RFC3: variants seen among roughly 807,000 people sequenced by gnomAD.
RFC3 encodes the protein replication factor C subunit 3.
RFC3 carries 41 observed loss-of-function variants against 45.1 expected under a neutral mutation model. That is an observed-to-expected ratio of 0.91 (90% CI 0.71 to 1.18). The LOEUF (loss-of-function observed/expected upper bound fraction) is 1.18, where lower values mean the gene tolerates loss of function less well. Ranked by LOEUF, RFC3 falls within the 50% of genes most tolerant of loss-of-function variation. The pLI, the probability that RFC3 is intolerant of heterozygous loss-of-function variation, is 0.00. For synonymous variants in RFC3, 149 were observed against 144.0 expected (o/e 1.03, Z -0.25); for missense variants, 423 against 428.1 (o/e 0.99, Z 0.10).
chr13:33,925,678 T>A (rs1165986202), intron 8 of RFC3, among the ~76,000 whole-genome samples: 3 of 144,894 alleles, frequency 2.1e-5, no homozygotes, highest in African/African-American at 8.1e-5. Flanking sequence ...TAAGTTAGTG[T>A]GTATGTATAT....
chr13:33,879,829 C>T (rs1199799559), intron 8 of RFC3, among the ~76,000 whole-genome samples: 1 of 152,134 alleles, frequency 6.6e-6, no homozygotes, highest in Non-Finnish European at 1.5e-5. Context: ...GGGTTCTGTT[C>T]CTTTTTGGAG....
At chr13:33,863,073 G>C (rs2082351593) in intron 8 of RFC3, among the ~76,000 whole-genome samples, 2 of 152,162 alleles carry the variant, frequency 1.3e-5, no homozygotes, top group Non-Finnish European at 2.9e-5. Flanking sequence ...CTGTTTTGCT[G>C]GTTAGTTGGT....
intron 8 of RFC3, among the ~76,000 whole-genome samples, chr13:33,956,068 A>G (rs943735105): frequency 6.6e-6 from 1 of 152,184 alleles, no homozygotes; most frequent in Non-Finnish European, 1.5e-5. Context: ...TCTTTAATCT[A>G]TTTGTTTGCA....
At chr13:33,867,036 G>A (rs923537673) in intron 8 of RFC3, among the ~76,000 whole-genome samples, 3 of 152,192 alleles carry the variant, frequency 2.0e-5, no homozygotes, top group Non-Finnish European at 2.9e-5. Flanking sequence ...ATCTACGAAG[G>A]AAGGACTGTT....
At chr13:33,956,912 G>GACC (rs2083025620) in intron 8 of RFC3, among the ~76,000 whole-genome samples, 1 of 151,976 alleles carries the variant, frequency 6.6e-6, no homozygotes. Flanking sequence ...ATATGTTTAG[G>GACC]TCTATGCAGA....
At chr13:33,872,527 AG>A (rs1394477248) in intron 8 of RFC3, among the ~76,000 whole-genome samples, 1 of 152,212 alleles carries the variant, frequency 6.6e-6, no homozygotes, top group Non-Finnish European at 1.5e-5. Context: ...TGAGGTCGGG[AG>A]TTCGAGACCA....
At chr13:33,876,228 A>G (rs561631053) in intron 8 of RFC3, among the ~76,000 whole-genome samples, 3 of 152,176 alleles carry the variant, frequency 2.0e-5, no homozygotes, top group Non-Finnish European at 4.4e-5. Flanking sequence ...AGTTTAAACA[A>G]TTAGCTCCCA....
In RFC3 at chr13:33,870,000, A is replaced by T. The variant is rs563317127; in HGVS notation, c.879+34783A>T. Among the ~76,000 whole-genome samples the T allele has an allele frequency of 5.3e-4, 81 of 152,308 alleles. 1 individual carries two copies. The highest frequency in any genetic ancestry group is 9.3e-4 in the Non-Finnish European group (63 of 68,018). On this transcript the variant is annotated intron_variant, in intron 8 of 8. Coordinates refer to the RFC3 transcript ENST00000434425. Reference sequence around the variant, plus strand: ...CCTTGTTTGGTGGTTCCACAAAGGGAACGAGCAATCCTTGATCAAATGGAC... The same window carrying T: ...CCTTGTTTGGTGGTTCCACAAAGGGTACGAGCAATCCTTGATCAAATGGAC...
At chr13:33,935,587 G>A (rs1419393221) in intron 8 of RFC3, among the ~76,000 whole-genome samples, 2 of 152,086 alleles carry the variant, frequency 1.3e-5, no homozygotes, top group Non-Finnish European at 2.9e-5. Context: ...ACTTTCCATT[G>A]ATCCTAATTT....
chr13:33,924,399 GTGTT>G (rs1364019917), intron 8 of RFC3, among the ~76,000 whole-genome samples: 1 of 151,832 alleles, frequency 6.6e-6, no homozygotes. Context: ...CCTGCTGACT[GTGTT>G]TGTAAATTGA....
Position 33,921,664 on chromosome 13 carries a change from T to G in RFC3, c.880-44423T>G, listed in dbSNP as rs552152338. Among the ~76,000 whole-genome samples, 51 of 152,102 alleles carry G rather than the reference T, an allele frequency of 3.4e-4. No homozygotes were observed. In the Middle Eastern group the frequency reaches 0.024, roughly 71 times the overall value. ...GATGGTGCAGCCTTTCACGATGACT[T>G]TGCAGCAACACAGCACCCTCCCAGT... On this transcript the variant is annotated intron_variant, in intron 8 of 8. Transcript: ENST00000434425.
At chr13:33,843,376 A>G (rs1217884947) in intron 8 of RFC3, among the ~76,000 whole-genome samples, 1 of 152,212 alleles carries the variant, frequency 6.6e-6, no homozygotes, top group Non-Finnish European at 1.5e-5. Context: ...ATTGCAGCCT[A>G]ATGCCAATTT....
downstream of RFC3, among the ~76,000 whole-genome samples, chr13:33,969,863 A>G (rs138526274): frequency 2.8e-4 from 42 of 151,436 alleles, no homozygotes; most frequent in African/African-American, 9.7e-4. Context: ...CAGTCTTTTT[A>G]TGTAAGCTAT....
At chr13:33,854,416 T>C (rs2082296245) in intron 8 of RFC3, among the ~76,000 whole-genome samples, 1 of 152,200 alleles carries the variant, frequency 6.6e-6, no homozygotes, top group Admixed American at 6.5e-5. Context: ...TCAAGTAGCC[T>C]TGAAAGGGGT....
Position 33,837,447 on chromosome 13 carries a change from CT to C in RFC3, c.*1155del, listed in dbSNP as rs1005951280. On this transcript the variant is annotated 3_prime_UTR_variant, in exon 9 of 9. Coordinates refer to ENST00000380071, the MANE Select transcript of RFC3 (RefSeq NM_002915.4). ...AAAGCCTATTCACTTGCTGATGGAT[CT>C]TTGGTTTGTTTCCAGGTTTGGTTAT... 1.8e-4 allele frequency: 27 copies of C among 152,028 alleles called. No homozygotes were observed. 9.4% of individuals were successfully genotyped at this position (152,028 alleles called of 1,614,324 possible). A position where few individuals can be genotyped will look rare whatever the true frequency, so the allele number is the denominator to read the frequency against.
intron 8 of RFC3, among the ~76,000 whole-genome samples, chr13:33,925,590 TACTATATACATACATATATA>T: frequency 6.6e-6 from 1 of 150,380 alleles, no homozygotes; most frequent in Non-Finnish European, 1.5e-5. Flanking sequence ...ATATATAGTG[TACTATATACATACATATATA>T]GTGTACTATA....
chr13:33,975,170 A>G, the RFC3 span, among the ~76,000 whole-genome samples: 1 of 152,246 alleles, frequency 6.6e-6, no homozygotes, highest in African/African-American at 2.4e-5. Context: ...TGATGAACAA[A>G]CTGTAGTATG....
At chr13:33,909,071 C>T (rs1292818286) in intron 8 of RFC3, among the ~76,000 whole-genome samples, 1 of 152,046 alleles carries the variant, frequency 6.6e-6, no homozygotes, top group Non-Finnish European at 1.5e-5. Context: ...ACCCCAGGTC[C>T]ACTCAAGTTA....
chr13:33,969,088 G>A (rs1000136394), downstream of RFC3, among the ~76,000 whole-genome samples: 1 of 152,180 alleles, frequency 6.6e-6, no homozygotes, highest in Admixed American at 6.5e-5. Context: ...CAACAAATGA[G>A]ATCTGACAAG....
Sources: gnomAD v4.1 joint callset for allele counts (sites outside exome capture counted in the v4.1 genomes callset) on GRCh38, gnomAD v4.1.1 for gene constraint, MANE v1.5 for transcripts, NCBI Gene and HGNC (gene_info 2026-07-23, HGNC 2026-07-21) for gene names.